Variants in ANKRD11 observed in about 807,000 individuals in gnomAD.
ANKRD11 encodes the protein ankyrin repeat domain 11, also known as ankyrin repeat domain-containing protein 11.
Under a neutral mutation model 195.7 loss-of-function variants are expected in ANKRD11, and 17 were observed. The ratio of observed to expected loss-of-function variants is 0.09; its 90% CI spans 0.06 to 0.13. The LOEUF is 0.13. Among genes scored for constraint, ANKRD11 ranks in the 10% least tolerant of loss-of-function variants. The probability of loss-of-function intolerance (pLI) is 1.00; values close to 1 mark genes in which losing one functional copy is unlikely to be tolerated. For missense variants in ANKRD11, 3,735 were observed against 3,566.1 expected, an observed-to-expected ratio of 1.05 and a Z score of -1.21; for synonymous variants, 1,953 against 1,528.1, an observed-to-expected ratio of 1.28 and a Z score of -6.49.
intron 3 of ANKRD11, among the ~76,000 whole-genome samples, chr16:89,314,761 G>T (rs549681747): frequency 2.0e-5 from 3 of 152,076 alleles, no homozygotes; most frequent in African/African-American, 7.2e-5. Flanking sequence ...GTGCCACCTC[G>T]CCATCAATGC....
chr16:89,469,873 G>A (rs1042242953), intron 1 of ANKRD11, among the ~76,000 whole-genome samples: 2 of 149,966 alleles, frequency 1.3e-5, no homozygotes, highest in Non-Finnish European at 3.0e-5. Context: ...ACAGAGTGAG[G>A]CTCCGTTTCA....
rs760134298 is a variant in ANKRD11 at position 89,281,973 on chromosome 16, C to T, written c.4569G>A (p.Pro1523=). The T allele has an allele frequency of 8.1e-6, 13 of 1,612,816 alleles. No individual in the cohort carries two copies. Among genetic ancestry groups the T allele is most frequent in the African/African-American group, 6.7e-5 (5 of 74,940 alleles). The change falls in exon 9 of 13, where the codon CCG becomes CCA. Residue 1523 remains proline, a synonymous_variant. Coordinates refer to ENST00000301030, the MANE Select transcript of ANKRD11 (RefSeq NM_013275.6). This position sits in a 1 kb window ranked among gnomAD's most constrained non-coding sequence, Gnocchi z 5.5. ...VLKDKSRDEG[P]RLGDAKLKEK... ...CCTTCAGTTTGGCATCGCCGAGCCT[C>T]GGGCCCTCGTCCCTGGACTTGTCTT... is the stretch of plus-strand genomic sequence containing the variant.
At chr16:89,417,496 T>C (rs1158634065) in intron 2 of ANKRD11, among the ~76,000 whole-genome samples, 3 of 152,062 alleles carry the variant, frequency 2.0e-5, no homozygotes, top group Non-Finnish European at 4.4e-5. Flanking sequence ...AAGGCCAAAG[T>C]CTTTTTGGAG....
intron 2 of ANKRD11, chr16:89,319,999 C>G (rs1209638853): frequency 6.6e-6 from 1 of 152,418 alleles, no homozygotes; most frequent in Non-Finnish European, 1.5e-5. Context: ...ATGGCAGAGC[C>G]AGCCGAGGGC....
Position 89,285,251 on chromosome 16 carries a change from G to A in ANKRD11, c.1291C>T (p.His431Tyr), listed in dbSNP as rs2034568110. 6 of 1,613,630 alleles carry A rather than the reference G, an allele frequency of 3.7e-6. No homozygotes were observed. The highest frequency in any genetic ancestry group is 3.3e-5 in the South Asian group (3 of 91,076). Residue 431 changes from histidine (H) to tyrosine (Y), a missense_variant, in exon 9 of 13, where the codon CAT becomes TAT. Physicochemically the swap from His to Tyr is moderately conservative, Grantham distance 83. Coordinates refer to ENST00000301030, the MANE Select transcript of ANKRD11 (RefSeq NM_013275.6). The surrounding 1 kb of genome is among the most constrained non-coding windows in gnomAD (Gnocchi z 5.6). ...GTGEKLRLSA[H>Y]TILPGSKTRE... ...GTCTTACTACCAGGCAATATCGTATGTGCCGAGAGTCTCAGCTTCTCTCCT... is the reference window on the plus strand; with the variant it reads ...GTCTTACTACCAGGCAATATCGTATATGCCGAGAGTCTCAGCTTCTCTCCT...
At chr16:89,338,887 T>C (rs993574472) in intron 2 of ANKRD11, among the ~76,000 whole-genome samples, 1 of 152,000 alleles carries the variant, frequency 6.6e-6, no homozygotes, top group South Asian at 2.1e-4. Context: ...TGGAGCAAAA[T>C]AAGCCTAATT....
intron 2 of ANKRD11, among the ~76,000 whole-genome samples, chr16:89,389,758 C>A (rs1433159603): frequency 3.4e-5 from 5 of 148,300 alleles, no homozygotes; most frequent in African/African-American, 1.3e-4. Context: ...GCGGGGAGCA[C>A]CGAGAGAGAA....
In ANKRD11 at chr16:89,280,137, G is replaced by A; in HGVS notation, c.6405C>T (p.Pro2135=). Residue 2135 remains proline, a synonymous_variant, in exon 9 of 13, where the codon CCC becomes CCT. Transcript: ENST00000301030. ...GCAGGGGAAGCTCCGGCAGGGAGAA[G>A]GGCCCCAGGTCCAGGTCGTCCTCGG... The part of the protein sequence containing the change: ...AGPEDDLDLG[P]FSLPELPLQT... 6.2e-7 allele frequency: 1 copy of A among 1,611,698 alleles called. No individual in the cohort carries two copies. Among genetic ancestry groups the A allele is most frequent in the Non-Finnish European group, 8.5e-7 (1 of 1,179,356 alleles).
chr16:89,460,672 G>T (rs2056622716), intron 1 of ANKRD11, among the ~76,000 whole-genome samples: 1 of 152,174 alleles, frequency 6.6e-6, no homozygotes, highest in South Asian at 2.1e-4. Context: ...AGGAGGTCGA[G>T]GCTATAGTGA....
At chr16:89,403,103 C>T (rs2041767595) in intron 2 of ANKRD11, among the ~76,000 whole-genome samples, 1 of 152,206 alleles carries the variant, frequency 6.6e-6, no homozygotes, top group African/African-American at 2.4e-5. Flanking sequence ...CACGTGGACA[C>T]ATCATCAACC....
At position 89,428,201 on chromosome 16, in the gene ANKRD11, C is replaced by T. The variant is rs879810112; in HGVS notation, c.-144-9833G>A. ...ACAGCCTAGGCAGCAGAGCAAGACT[C>T]CATCTCAAAAAAATAGATTAATTAA... On this transcript the variant is annotated intron_variant, in intron 1 of 12. Coordinates refer to ENST00000301030, the MANE Select transcript of ANKRD11 (RefSeq NM_013275.6). Among the ~76,000 whole-genome samples the T allele has an allele frequency of 2.0e-3, 306 of 151,896 alleles. 1 individual carries two copies. The highest frequency in any genetic ancestry group is 3.4e-3 in the Middle Eastern group (1 of 294).
intron 1 of ANKRD11, among the ~76,000 whole-genome samples, chr16:89,489,447 C>A (rs1456364589): frequency 1.4e-5 from 2 of 140,772 alleles, no homozygotes; most frequent in Non-Finnish European, 1.5e-5. Context: ...CACACGGCTG[C>A]CCGCATTCCT....
intron 2 of ANKRD11, among the ~76,000 whole-genome samples, chr16:89,345,318 C>A (rs2038889485): frequency 7.1e-6 from 1 of 141,554 alleles, no homozygotes; most frequent in Non-Finnish European, 1.5e-5. Context: ...AAGCACTCGA[C>A]CCCACAGAGC....
At chr16:89,464,982 G>A (rs946091630) in intron 1 of ANKRD11, among the ~76,000 whole-genome samples, 4 of 152,222 alleles carry the variant, frequency 2.6e-5, no homozygotes, top group African/African-American at 9.6e-5. Context: ...ACAGTCCACA[G>A]GCTAAGAATG....
At chr16:89,308,786 G>C (rs2036444438) in intron 3 of ANKRD11, among the ~76,000 whole-genome samples, 1 of 152,220 alleles carries the variant, frequency 6.6e-6, no homozygotes, top group Non-Finnish European at 1.5e-5. Context: ...GAATACCGCA[G>C]GGGGTGCGCG....
At chr16:89,483,207 T>C (rs2057499733) in intron 1 of ANKRD11, among the ~76,000 whole-genome samples, 1 of 152,180 alleles carries the variant, frequency 6.6e-6, no homozygotes, top group South Asian at 2.1e-4. Context: ...AAGGCACAGA[T>C]TAAGTTCTAA....
intron 2 of ANKRD11, among the ~76,000 whole-genome samples, chr16:89,410,310 G>T (rs2042064776): frequency 6.6e-6 from 1 of 152,078 alleles, no homozygotes. Flanking sequence ...AAGCCACCAG[G>T]ATTTGATATT....
At chr16:89,324,303 C>G (rs550602005) in intron 2 of ANKRD11, 6 of 1,270,510 alleles carry the variant, frequency 4.7e-6, no homozygotes, top group South Asian at 3.8e-5. Context: ...GACCACCCGA[C>G]AGGAGCACGG....
rs189467770 is a variant in ANKRD11, at chr16:89,324,625, G to A, written c.-59-7547C>T. The stretch of plus-strand genomic sequence containing the variant: ...AGCACGGCAGATCTGCGGAAGCACT[G>A]GACTGGCTGAGTCTTCCAGCCTCCA... On this transcript the variant is annotated intron_variant, in intron 2 of 12. Coordinates refer to ENST00000301030, the MANE Select transcript of ANKRD11 (RefSeq NM_013275.6). 5.2e-4 allele frequency: 213 copies of A among 412,482 alleles called. 1 individual carries two copies. Among genetic ancestry groups the A allele is most frequent in the African/African-American group, 4.0e-3 (197 of 48,814 alleles). The allele number at this position is 412,482 out of a possible 1,614,324, so 25.6% of individuals were successfully genotyped here. A position where few individuals can be genotyped will look rare whatever the true frequency, so the allele number is the denominator to read the frequency against.
Sources: gnomAD v4.1 joint callset for allele counts (sites outside exome capture counted in the v4.1 genomes callset) on GRCh38, gnomAD v4.1.1 for gene constraint, Gnocchi (gnomAD v3.1) non-coding constraint, MANE v1.5 for transcripts, NCBI Gene and HGNC (gene_info 2026-07-23, HGNC 2026-07-21) for gene names.